Variants in SLC35F3 observed in about 807,000 individuals in gnomAD.
SLC35F3 encodes solute carrier family 35 member F3, also known as putative thiamine transporter SLC35F3.
Under a neutral mutation model 49.9 loss-of-function variants are expected in SLC35F3, and 25 were observed. The observed-to-expected ratio is 0.50, with a 90% confidence interval of 0.37 to 0.70. The LOEUF is 0.70. Among genes scored for constraint, SLC35F3 ranks in the 30% least tolerant of loss-of-function variants. The pLI, the probability that SLC35F3 is intolerant of heterozygous loss-of-function variation, is 0.00. For missense variants in SLC35F3, 525 were observed against 639.8 expected (o/e 0.82, Z 1.94); for synonymous variants, 275 against 265.4 (o/e 1.04, Z -0.35).
intron 2 of SLC35F3, among the ~76,000 whole-genome samples, chr1:233,986,209 CTTTT>C (rs1208195076): frequency 6.6e-6 from 1 of 152,094 alleles, no homozygotes; most frequent in Non-Finnish European, 1.5e-5. Context: ...TTTTGCATTT[CTTTT>C]AATTTTTATT....
At position 234,324,019 on chromosome 1, in the gene SLC35F3, A is replaced by C. The variant is rs1329586382; in HGVS notation, c.*776A>C. ...ATGTAAAAATCTTTAGAAACAAATA[A>C]AACTCTCTATATATGTGTATGTCTG... On this transcript the variant is annotated 3_prime_UTR_variant, in exon 8 of 8. Coordinates refer to ENST00000366618, the MANE Select transcript of SLC35F3 (RefSeq NM_173508.4). 2.0e-5 allele frequency: 3 copies of C among 152,306 alleles called. No homozygotes were observed. The highest frequency in any genetic ancestry group is 7.2e-5 in the African/African-American group (3 of 41,456). 9.4% of individuals were successfully genotyped at this position (152,306 alleles called of 1,614,324 possible). A position where few individuals can be genotyped will look rare whatever the true frequency, so the allele number is the denominator to read the frequency against.
chr1:234,108,218 TAAAAG>T (rs1255589629), intron 2 of SLC35F3, among the ~76,000 whole-genome samples: 15 of 130,606 alleles, frequency 1.1e-4, no homozygotes, highest in African/African-American at 2.3e-4. Context: ...TTTATATATA[TAAAAG>T]ATATATATAT....
intron 2 of SLC35F3, among the ~76,000 whole-genome samples, chr1:233,990,792 G>A (rs1358652097): frequency 2.6e-5 from 4 of 152,074 alleles, no homozygotes; most frequent in African/African-American, 9.7e-5. Context: ...AAATACTCAA[G>A]CATCAAAAAA....
chr1:234,228,055 T>C (rs1308408224), intron 2 of SLC35F3, among the ~76,000 whole-genome samples: 1 of 152,232 alleles, frequency 6.6e-6, no homozygotes, highest in Non-Finnish European at 1.5e-5. Flanking sequence ...TGGCTTGCAC[T>C]TCCTTAATAA....
chr1:234,250,981 A>C (rs886297422), intron 3 of SLC35F3, among the ~76,000 whole-genome samples: 2 of 152,136 alleles, frequency 1.3e-5, no homozygotes, highest in African/African-American at 4.8e-5. Flanking sequence ...AGATTTCAAC[A>C]TGAGATTTGG....
intron 2 of SLC35F3, among the ~76,000 whole-genome samples, chr1:234,126,014 A>C (rs1665642321): frequency 6.6e-6 from 1 of 152,238 alleles, no homozygotes; most frequent in South Asian, 2.1e-4. Flanking sequence ...TGTTGACTCT[A>C]AAGACATTCA....
chr1:234,055,320 C>T (rs372712825), intron 2 of SLC35F3, among the ~76,000 whole-genome samples: 11 of 152,142 alleles, frequency 7.2e-5, no homozygotes, highest in Non-Finnish European at 1.2e-4. Flanking sequence ...TCGAGCTTCC[C>T]GGCCTCTTTG....
chr1:234,049,056 A>G (rs1205357361), intron 2 of SLC35F3, among the ~76,000 whole-genome samples: 7 of 152,222 alleles, frequency 4.6e-5, no homozygotes, highest in Non-Finnish European at 1.0e-4. Context: ...TTTAAATCAT[A>G]TTTATATGAA....
chr1:234,215,917 A>AT (rs1304006043), intron 2 of SLC35F3, among the ~76,000 whole-genome samples: 1 of 152,164 alleles, frequency 6.6e-6, no homozygotes, highest in Non-Finnish European at 1.5e-5. Flanking sequence ...AAGCTCAAGC[A>AT]TTTTTTCCAG....
intron 2 of SLC35F3, among the ~76,000 whole-genome samples, chr1:233,958,500 G>A (rs1662741965): frequency 6.6e-6 from 1 of 152,166 alleles, no homozygotes. Context: ...TCACCATAAG[G>A]ATTTTTGTGG....
intron 2 of SLC35F3, among the ~76,000 whole-genome samples, chr1:234,155,406 T>TTAG (rs2102910776): frequency 6.6e-6 from 1 of 151,458 alleles, no homozygotes; most frequent in Admixed American, 6.6e-5. Context: ...ATTATTATTA[T>TTAG]TATTATTATT....
Position 234,324,049 on chromosome 1 carries a change from CAA to C in SLC35F3, c.*812_*813del, listed in dbSNP as rs1572153889. The stretch of plus-strand genomic sequence containing the variant: ...CTCTATATATGTGTATGTCTGTGTA[CAA>C]AAAAATGACAGAGCTGATGGCCAGT... On this transcript the variant is annotated 3_prime_UTR_variant, in exon 8 of 8. Transcript: ENST00000366618. 1 of 152,288 alleles carries C rather than the reference CAA, an allele frequency of 6.6e-6. No individual in the cohort carries two copies. The highest frequency in any genetic ancestry group is 1.9e-4 in the East Asian group (1 of 5,190). The allele number at this position is 152,288 out of a possible 1,614,324, so 9.4% of individuals were successfully genotyped here.
chr1:233,928,145 G>T (rs1042720369), intron 2 of SLC35F3, among the ~76,000 whole-genome samples: 1 of 151,966 alleles, frequency 6.6e-6, no homozygotes, highest in African/African-American at 2.4e-5. Context: ...TTCCTCACAT[G>T]TTGCCAGCAA....
chr1:234,136,153 A>G (rs1665807861), intron 2 of SLC35F3, among the ~76,000 whole-genome samples: 1 of 151,800 alleles, frequency 6.6e-6, no homozygotes, highest in African/African-American at 2.4e-5. Flanking sequence ...TTTTCCCCAT[A>G]GCACCCTCCA....
At chr1:233,950,457 T>TTTCCTTCCTTCC (rs374073382) in intron 2 of SLC35F3, among the ~76,000 whole-genome samples, 27 of 127,314 alleles carry the variant, frequency 2.1e-4, no homozygotes, top group African/African-American at 6.6e-4. Context: ...TCCTTCCTTC[T>TTTCCTTCCTTCC]TTCCTTCCTT....
intron 2 of SLC35F3, among the ~76,000 whole-genome samples, chr1:234,024,349 G>T (rs1663944663): frequency 6.6e-6 from 1 of 152,188 alleles, no homozygotes; most frequent in South Asian, 2.1e-4. Flanking sequence ...GACAGCCTTT[G>T]TGCCAAGCTC....
At chr1:234,290,788 T>C (rs1182777753) in intron 3 of SLC35F3, among the ~76,000 whole-genome samples, 3 of 152,230 alleles carry the variant, frequency 2.0e-5, no homozygotes, top group African/African-American at 7.2e-5. Flanking sequence ...GTTGAGCACC[T>C]GGCCTTAGGA....
At chr1:234,306,302 C>G (rs546874138) in intron 3 of SLC35F3, among the ~76,000 whole-genome samples, 4 of 151,980 alleles carry the variant, frequency 2.6e-5, no homozygotes, top group Admixed American at 6.6e-5. Context: ...CTGGGATTAC[C>G]GGTGCTCACC....
At chr1:234,081,994 A>T (rs765884174) in intron 2 of SLC35F3, among the ~76,000 whole-genome samples, 1 of 133,016 alleles carries the variant, frequency 7.5e-6, no homozygotes, top group Non-Finnish European at 1.5e-5. Flanking sequence ...TGAACTCGTG[A>T]TCCACCCACC....
Sources: allele counts gnomAD v4.1 joint callset (sites outside exome capture counted in the v4.1 genomes callset), GRCh38; gene constraint gnomAD v4.1.1; transcripts MANE v1.5; gene names NCBI Gene and HGNC (gene_info 2026-07-23, HGNC 2026-07-21).